CENPP: variants seen among roughly 807,000 people sequenced by gnomAD.
The protein encoded by CENPP is centromere protein P.
CENPP carries 24 observed loss-of-function variants against 35.6 expected under a neutral mutation model. That is an observed-to-expected ratio of 0.67 (90% CI 0.49 to 0.95). The LOEUF is 0.95. Among genes scored for constraint, CENPP ranks in the 40% least tolerant of loss-of-function variants. The pLI, the probability that CENPP is intolerant of heterozygous loss-of-function variation, is 0.00. For synonymous variants in CENPP, 120 were observed against 125.5 expected (o/e 0.96, Z 0.29); for missense variants, 332 against 345.3 (o/e 0.96, Z 0.31).
intron 4 of CENPP, among the ~76,000 whole-genome samples, chr9:92,373,904 T>G (rs1842065255): frequency 6.6e-6 from 1 of 152,156 alleles, no homozygotes; most frequent in African/African-American, 2.4e-5. Context: ...TGCTAAATAA[T>G]TATTGGGTTT....
chr9:92,491,249 A>G (rs1846165003), intron 5 of CENPP, among the ~76,000 whole-genome samples: 1 of 152,196 alleles, frequency 6.6e-6, no homozygotes, highest in Non-Finnish European at 1.5e-5. Context: ...GATAATCACT[A>G]CAGACCTACC....
In CENPP at chr9:92,416,480, G is replaced by A. The variant is rs368961122; in HGVS notation, c.564+36621G>A. 1,006 of 574,004 alleles carry A rather than the reference G, an allele frequency of 1.8e-3. 5 individuals carry two copies. Among genetic ancestry groups the A allele is most frequent in the Middle Eastern group, 0.01 (22 of 2,170 alleles). The allele number at this position is 574,004 out of a possible 1,614,324, so 35.6% of individuals were successfully genotyped here. On this transcript the variant is annotated intron_variant, in intron 5 of 7. Transcript: ENST00000375587. ...GAATAGCACACATTTCTCTGGGGCA[G>A]ATTTCTGCCATTCCCTTAAGCAACT...
chr9:92,325,698 A>C, upstream of CENPP: 6 of 340,498 alleles, frequency 1.8e-5, no homozygotes, highest in East Asian at 6.1e-5. Flanking sequence ...GCTGCCGGCT[A>C]GGGTGAGCAG....
intron 5 of CENPP, among the ~76,000 whole-genome samples, chr9:92,445,796 T>C (rs1012442593): frequency 6.6e-6 from 1 of 151,546 alleles, no homozygotes; most frequent in Non-Finnish European, 1.5e-5. Flanking sequence ...AGCAGGAGAA[T>C]CACTTGAACC....
intron 5 of CENPP, among the ~76,000 whole-genome samples, chr9:92,551,991 G>A (rs369241826): frequency 1.8e-3 from 223 of 123,818 alleles, no homozygotes; most frequent in Non-Finnish European, 2.6e-3. Flanking sequence ...GTGTATATAT[G>A]TGATATATAT....
At chr9:92,392,398 C>T (rs928362141) in intron 5 of CENPP, among the ~76,000 whole-genome samples, 7 of 152,002 alleles carry the variant, frequency 4.6e-5, no homozygotes, top group East Asian at 3.9e-4. Context: ...CCGAGGCGGG[C>T]GGATCACAAG....
At chr9:92,333,077 T>C (rs1368622832) in intron 2 of CENPP, among the ~76,000 whole-genome samples, 2 of 152,212 alleles carry the variant, frequency 1.3e-5, no homozygotes, top group Non-Finnish European at 2.9e-5. Flanking sequence ...GACCTTTTGC[T>C]GGAAGGAAGG....
intron 5 of CENPP, among the ~76,000 whole-genome samples, chr9:92,534,801 A>C (rs979430381): frequency 6.6e-6 from 1 of 152,186 alleles, no homozygotes; most frequent in South Asian, 2.1e-4. Flanking sequence ...GCTCTGATGG[A>C]TATCATAAGT....
Position 92,337,541 on chromosome 9 carries a change from G to A in CENPP, c.290G>A (p.Ser97Asn). 2 of 1,559,490 alleles carry A rather than the reference G, an allele frequency of 1.3e-6. No individual in the cohort carries two copies. The highest frequency in any genetic ancestry group is 1.7e-5 in the Admixed American group (1 of 59,486). Residue 97 changes from serine (S) to asparagine (N), a missense_variant and splice_region_variant, in exon 3 of 8, where the codon AGT (serine) becomes AAT (asparagine). Physicochemically the swap from Ser to Asn is conservative, Grantham distance 46 (BLOSUM62 1). Transcript: ENST00000375587. ...DLTSTEMTEK[S>N]IRKVLQRHRL... ...AAATATTTGTTTTTCTGCTTTACAG[G>A]TATTAGAAAAGTTCTACAGAGACAC...
chr9:92,604,689 G>A (rs941201012), intron 5 of CENPP, among the ~76,000 whole-genome samples: 2 of 152,156 alleles, frequency 1.3e-5, no homozygotes, highest in African/African-American at 2.4e-5. Flanking sequence ...CTGCCTCCCA[G>A]GTTCAAGCAA....
intron 5 of CENPP, among the ~76,000 whole-genome samples, chr9:92,480,122 A>G (rs559904844): frequency 6.6e-6 from 1 of 152,304 alleles, no homozygotes; most frequent in African/African-American, 2.4e-5. Flanking sequence ...AAAAATATTA[A>G]ATCTTCTTCT....
rs150953733 is a variant in CENPP, at chr9:92,386,389, A to G, written c.564+6530A>G. On this transcript the variant is annotated intron_variant, in intron 5 of 7. Transcript: ENST00000375587. The stretch of plus-strand genomic sequence containing the variant: ...TATATGTGCATATGAGTATATGTCT[A>G]TATATACAGACTTGCATATTGATAT... 3.5e-4 allele frequency: 267 copies of G among 752,324 alleles called. No individual in the cohort carries two copies. In the African/African-American group the frequency reaches 4.2e-3, roughly 12 times the overall value. The allele number at this position is 752,324 out of a possible 1,614,324, so 46.6% of individuals were successfully genotyped here.
At chr9:92,604,712 A>G (rs1027844009) in intron 5 of CENPP, among the ~76,000 whole-genome samples, 6 of 152,044 alleles carry the variant, frequency 3.9e-5, no homozygotes, top group African/African-American at 1.5e-4. Flanking sequence ...CTCCTGCCTC[A>G]GCTTTTGGAG....
intron 5 of CENPP, among the ~76,000 whole-genome samples, chr9:92,594,079 G>A (rs946913085): frequency 1.3e-5 from 2 of 152,166 alleles, no homozygotes; most frequent in African/African-American, 4.8e-5. Context: ...GCTAATAACA[G>A]AGGAATAACA....
rs147947419 is a variant in CENPP at position 92,399,454 on chromosome 9, C to T, written c.564+19595C>T. Among the ~76,000 whole-genome samples, 272 of 152,014 alleles carry T rather than the reference C, an allele frequency of 1.8e-3. 1 individual carries two copies. Among genetic ancestry groups the T allele is most frequent in the African/African-American group, 6.2e-3 (258 of 41,448 alleles). ...AGATCTTTATTTTTAGTTATATTAT[C>T]TGTGAGCTCTTTATCTAGTGATATT... On this transcript the variant is annotated intron_variant, in intron 5 of 7. Transcript: ENST00000375587.
At chr9:92,523,872 A>T (rs1454664304) in intron 5 of CENPP, among the ~76,000 whole-genome samples, 1 of 152,256 alleles carries the variant, frequency 6.6e-6, no homozygotes, top group Non-Finnish European at 1.5e-5. Context: ...TTTCCTCCTC[A>T]GAGACCTCTT....
At chr9:92,529,334 G>A (rs922863648) in intron 5 of CENPP, among the ~76,000 whole-genome samples, 1 of 152,190 alleles carries the variant, frequency 6.6e-6, no homozygotes, top group African/African-American at 2.4e-5. Flanking sequence ...TGGAGCAACT[G>A]TAAGTCTCAT....
chr9:92,530,173 C>T (rs1848657409), intron 5 of CENPP, among the ~76,000 whole-genome samples: 2 of 152,032 alleles, frequency 1.3e-5, no homozygotes, highest in South Asian at 4.2e-4. Flanking sequence ...ACCAGTCCCC[C>T]AAGGGTACCA....
intron 4 of CENPP, among the ~76,000 whole-genome samples, chr9:92,358,294 G>A (rs1841647329): frequency 6.6e-6 from 1 of 151,702 alleles, no homozygotes; most frequent in African/African-American, 2.4e-5. Flanking sequence ...CCAGGCTAGA[G>A]TACAGTGGCG....
Sources: allele counts gnomAD v4.1 joint callset (sites outside exome capture counted in the v4.1 genomes callset), GRCh38; gene constraint gnomAD v4.1.1; transcripts MANE v1.5; gene names NCBI Gene and HGNC (gene_info 2026-07-23, HGNC 2026-07-21).